Variants in ANKRD60 observed in about 807,000 individuals in gnomAD.
ANKRD60 encodes the protein ankyrin repeat domain 60.
A neutral mutation model predicts 21.3 loss-of-function variants in ANKRD60; 24 were observed. That is an observed-to-expected ratio of 1.13 (90% CI 0.82 to 1.59). ANKRD60 has a LOEUF of 1.59. Ranked by LOEUF, ANKRD60 falls within the 40% of genes most tolerant of loss-of-function variation. The pLI, the probability that ANKRD60 is intolerant of heterozygous loss-of-function variation, is 0.00. For missense variants in ANKRD60, 490 were observed against 466.7 expected (o/e 1.05, Z -0.46); for synonymous variants, 182 against 199.4 (o/e 0.91, Z 0.74).
chr20:58,219,964 G>A (rs962506506), intron 3 of ANKRD60, among the ~76,000 whole-genome samples: 1 of 152,206 alleles, frequency 6.6e-6, no homozygotes, highest in Admixed American at 6.5e-5. Flanking sequence ...GAAGGAAGGA[G>A]AATATTGTTG....
rs1429991238 is a variant in ANKRD60 at position 58,228,389 on chromosome 20, A to G, written c.265T>C (p.Leu89=). Residue 89 remains leucine (L), a synonymous_variant, in exon 1 of 4, where the codon TTG becomes CTG. Transcript: ENST00000457363. The surrounding 1 kb of genome is among the most constrained non-coding windows in gnomAD (Gnocchi z 5.3). ...CGCAGGACGAAGACGTCAGGGGCCA[A>G]GTCGGGCAAGGCACTCGCGGCCTTC... is the stretch of plus-strand genomic sequence containing the variant. 2.6e-6 allele frequency: 4 copies of G among 1,547,554 alleles called. No individual in the cohort carries two copies. The Admixed American group carries it at 7.8e-5, about 30-fold the overall frequency.
Position 58,228,540 on chromosome 20 carries a change from C to A in ANKRD60, c.114G>T (p.Arg38Ser). ...CCTGAGCCCCGGCCCGCGCACCGCT[C>A]CTGCGTCCCGCATTGGGGTGCAGGC... Residue 38 changes from arginine to serine, a missense_variant, in exon 1 of 4, where the codon AGG becomes AGT. Transcript: ENST00000457363. The surrounding 1 kb of genome is among the most constrained non-coding windows in gnomAD (Gnocchi z 5.3). 7.5e-7 allele frequency: 1 copy of A among 1,324,598 alleles called. No homozygotes were observed. The highest frequency in any genetic ancestry group is 9.6e-7 in the Non-Finnish European group (1 of 1,041,258). 82.1% of individuals were successfully genotyped at this position (1,324,598 alleles called of 1,614,324 possible). A position where few individuals can be genotyped will look rare whatever the true frequency, so the allele number is the denominator to read the frequency against.
intron 2 of ANKRD60, 40 bp downstream of exon 2, chr20:58,223,012 T>C (rs1984292684): frequency 6.6e-7 from 1 of 1,517,554 alleles, no homozygotes; most frequent in Non-Finnish European, 8.8e-7. Flanking sequence ...TACGGTTGCT[T>C]CGTAACGTAT....
chr20:58,227,990 G>T (rs1170663846), intron 1 of ANKRD60, among the ~76,000 whole-genome samples: 2 of 152,270 alleles, frequency 1.3e-5, no homozygotes, highest in East Asian at 3.9e-4. Flanking sequence ...TGTGGACAAG[G>T]TTTGCCTTGA....
downstream of ANKRD60, among the ~76,000 whole-genome samples, chr20:58,216,934 C>T (rs1488584990): frequency 1.3e-5 from 2 of 152,220 alleles, no homozygotes; most frequent in African/African-American, 2.4e-5. Context: ...ACACGCCACC[C>T]AGTAAGACCC....
chr20:58,218,494 G>A, downstream of ANKRD60: 1 of 1,547,616 alleles, frequency 6.5e-7, no homozygotes, highest in Non-Finnish European at 8.7e-7. Flanking sequence ...CCCACCAGGA[G>A]CTAATGAGGG....
At chr20:58,224,738 G>A (rs1984331667) in intron 1 of ANKRD60, among the ~76,000 whole-genome samples, 1 of 152,260 alleles carries the variant, frequency 6.6e-6, no homozygotes. Context: ...ATTGAGTAAA[G>A]CTGTGTTTTG....
intron 2 of ANKRD60, 109 bp downstream of exon 2, chr20:58,222,943 C>A: frequency 7.6e-7 from 1 of 1,311,732 alleles, no homozygotes; most frequent in Non-Finnish European, 1.0e-6. Context: ...TTCTCTCTTC[C>A]CTGCTCTGAA....
At chr20:58,219,650 G>T (rs551875735) in intron 3 of ANKRD60, among the ~76,000 whole-genome samples, 1 of 152,160 alleles carries the variant, frequency 6.6e-6, no homozygotes, top group Non-Finnish European at 1.5e-5. Context: ...CAGAAAACAA[G>T]GCAATTCAAT....
intron 3 of ANKRD60, 142 bp from the exon 4 acceptor site, chr20:58,218,947 C>T (rs1322538445): frequency 2.8e-6 from 2 of 716,980 alleles, no homozygotes; most frequent in East Asian, 5.5e-5. Context: ...AGTCCACTCC[C>T]CTGGCAGCAG....
chr20:58,220,775 C>T lies in ANKRD60; in HGVS notation c.727+563G>A, dbSNP rs144428334. Among the ~76,000 whole-genome samples, 428 of 151,408 alleles carry T rather than the reference C, an allele frequency of 2.8e-3. 2 individuals are homozygous for T. The highest frequency in any genetic ancestry group is 9.3e-3 in the African/African-American group (384 of 41,074). ...TCCTGAGTAGCTGGGACTACAGGTA[C>T]GTGCCACCACACCCAGCTAATTTTT... On this transcript the variant is annotated intron_variant, in intron 3 of 3. Coordinates refer to ENST00000457363, the Ensembl canonical transcript of ANKRD60.
chr20:58,220,950 G>A (rs958429143), intron 3 of ANKRD60, among the ~76,000 whole-genome samples: 19 of 152,078 alleles, frequency 1.2e-4, no homozygotes, highest in Non-Finnish European at 2.1e-4. Flanking sequence ...AGACCATTTC[G>A]GACCATTGCA....
At chr20:58,218,868 G>C in intron 3 of ANKRD60, 63 bp from the exon 4 acceptor site, 1 of 1,431,556 alleles carries the variant, frequency 7.0e-7, no homozygotes, top group Non-Finnish European at 9.3e-7. Context: ...GAGGGGTCCA[G>C]GGCTGTGAAG....
chr20:58,223,401 T>G (rs1260955454), intron 1 of ANKRD60, among the ~76,000 whole-genome samples: 2 of 152,158 alleles, frequency 1.3e-5, no homozygotes, highest in African/African-American at 2.4e-5. Flanking sequence ...CCGAACAAAA[T>G]CACAATGCCA....
At chr20:58,217,014 G>A (rs942984016), downstream of ANKRD60, among the ~76,000 whole-genome samples, 1 of 152,150 alleles carries the variant, frequency 6.6e-6, no homozygotes, top group African/African-American at 2.4e-5. Context: ...TTTCTATCAC[G>A]TTTCTCCATG....
chr20:58,218,895 A>G, intron 3 of ANKRD60, 90 bp from the exon 4 acceptor site: 2 of 1,280,518 alleles, frequency 1.6e-6, no homozygotes, highest in East Asian at 5.1e-5. Context: ...CTCCTCAGGG[A>G]GGTCCTGCTG....
chr20:58,228,620 C>G lies in ANKRD60; in HGVS notation c.34G>C (p.Ala12Pro), dbSNP rs544356466. Reference sequence around the variant, plus strand: ...CGCGCTCCGCCCGCCCCCGCCGCCGCCCGCCGCATCCCCCAGGCGCGGCCG... The same window carrying G: ...CGCGCTCCGCCCGCCCCCGCCGCCGGCCGCCGCATCCCCCAGGCGCGGCCG... Residue 12 changes from alanine to proline, a missense_variant, in exon 1 of 4, where the codon GCG becomes CCG. Coordinates refer to ENST00000457363, the Ensembl canonical transcript of ANKRD60. This position sits in a 1 kb window ranked among gnomAD's most constrained non-coding sequence, Gnocchi z 5.3. The G allele has an allele frequency of 9.8e-7, 1 of 1,015,788 alleles. No homozygotes were observed. Among genetic ancestry groups the G allele is most frequent in the Non-Finnish European group, 1.2e-6 (1 of 845,088 alleles). The allele number at this position is 1,015,788 out of a possible 1,614,324, so 62.9% of individuals were successfully genotyped here.
At chr20:58,227,257 G>T (rs1984383755) in intron 1 of ANKRD60, among the ~76,000 whole-genome samples, 2 of 152,314 alleles carry the variant, frequency 1.3e-5, no homozygotes, top group African/African-American at 2.4e-5. Context: ...CCTGGACACA[G>T]TTGTTGAAGG....
chr20:58,218,388 T>C, downstream of ANKRD60: 1 of 1,089,200 alleles, frequency 9.2e-7, no homozygotes, highest in Non-Finnish European at 1.3e-6. Context: ...CTGATTCAGG[T>C]TAATTGCCCT....
Sources: allele counts gnomAD v4.1 joint callset (sites outside exome capture counted in the v4.1 genomes callset), GRCh38; gene constraint gnomAD v4.1.1; non-coding constraint Gnocchi (gnomAD v3.1); transcripts MANE v1.5; gene names NCBI Gene and HGNC (gene_info 2026-07-23, HGNC 2026-07-21).